Variants in DGKB observed in about 807,000 individuals in gnomAD.
The protein encoded by DGKB is 90 kDa diacylglycerol kinase.
DGKB carries 67 observed loss-of-function variants against 114.3 expected under a neutral mutation model. The observed-to-expected ratio is 0.59, with a 90% CI of 0.48 to 0.72. The LOEUF (loss-of-function observed/expected upper bound fraction) is 0.72. DGKB is among the 30% of genes least tolerant of loss of function. DGKB has a pLI of 0.00. For missense variants in DGKB, 907 were observed against 975.2 expected (o/e 0.93, Z 0.93); for synonymous variants, 398 against 323.1 (o/e 1.23, Z -2.49).
intron 21 of DGKB, among the ~76,000 whole-genome samples, chr7:14,350,364 C>T (rs1164253263): frequency 1.3e-5 from 2 of 151,944 alleles, no homozygotes; most frequent in African/African-American, 4.8e-5. Flanking sequence ...TGGCTTTCAT[C>T]GGCTTAGTAA....
At chr7:14,332,199 GC>G (rs1809847284) in intron 23 of DGKB, among the ~76,000 whole-genome samples, 1 of 152,050 alleles carries the variant, frequency 6.6e-6, no homozygotes, top group African/African-American at 2.4e-5. Flanking sequence ...TCTAATCTGG[GC>G]TTTTCTCATT....
At chr7:14,545,185 G>T (rs1328107170) in intron 20 of DGKB, among the ~76,000 whole-genome samples, 1 of 151,944 alleles carries the variant, frequency 6.6e-6, no homozygotes, top group Non-Finnish European at 1.5e-5. Context: ...CTAAAAAAAT[G>T]TTAGGCTAAT....
intron 12 of DGKB, among the ~76,000 whole-genome samples, chr7:14,674,088 G>A (rs995969625): frequency 6.6e-6 from 1 of 152,042 alleles, no homozygotes; most frequent in Admixed American, 6.6e-5. Context: ...TATCAAAGAG[G>A]TATTTCTGCG....
chr7:14,881,974 C>G (rs935325439), intron 1 of DGKB, among the ~76,000 whole-genome samples: 2 of 152,000 alleles, frequency 1.3e-5, no homozygotes. Context: ...ATCAGTCCTG[C>G]TATTTTACTA....
intron 21 of DGKB, among the ~76,000 whole-genome samples, chr7:14,434,244 A>G (rs562579096): frequency 6.6e-6 from 1 of 152,276 alleles, no homozygotes; most frequent in East Asian, 1.9e-4. Flanking sequence ...GTTAGGCAGA[A>G]AGTCCTTCTC....
At chr7:14,885,921 A>C (rs1389327636) in intron 1 of DGKB, among the ~76,000 whole-genome samples, 1 of 151,840 alleles carries the variant, frequency 6.6e-6, no homozygotes, top group East Asian at 1.9e-4. Context: ...CTTGAATGCC[A>C]GGCCAAGGTG....
At chr7:14,170,571 T>G (rs781059108) in intron 25 of DGKB, among the ~76,000 whole-genome samples, 14 of 152,174 alleles carry the variant, frequency 9.2e-5, no homozygotes, top group Non-Finnish European at 1.9e-4. Flanking sequence ...ACTTGCTGGG[T>G]CTTGAAAAAC....
chr7:14,603,214 T>G (rs1381891367), intron 17 of DGKB, among the ~76,000 whole-genome samples: 2 of 152,184 alleles, frequency 1.3e-5, no homozygotes, highest in Non-Finnish European at 2.9e-5. Flanking sequence ...AGAATTATGC[T>G]TACACATTTA....
At chr7:14,660,107 T>C (rs1458144549) in intron 13 of DGKB, among the ~76,000 whole-genome samples, 2 of 151,408 alleles carry the variant, frequency 1.3e-5, no homozygotes, top group East Asian at 4.1e-4. Context: ...TGGATAAGCT[T>C]TTTGATGTGC....
intron 15 of DGKB, among the ~76,000 whole-genome samples, chr7:14,620,941 T>C (rs1807518945): frequency 6.6e-6 from 1 of 151,744 alleles, no homozygotes. Flanking sequence ...TTAAAAATAT[T>C]TATTTAGAAA....
chr7:14,280,663 C>A (rs373052151), intron 23 of DGKB, among the ~76,000 whole-genome samples: 1 of 151,094 alleles, frequency 6.6e-6, no homozygotes. Flanking sequence ...GCGGATCTCT[C>A]GGCAGAAACC....
intron 13 of DGKB, among the ~76,000 whole-genome samples, chr7:14,656,924 C>T (rs1815950318): frequency 6.6e-6 from 1 of 151,638 alleles, no homozygotes; most frequent in Non-Finnish European, 1.5e-5. Context: ...TATAATTATA[C>T]ACGTTCTACA....
chr7:14,703,301 C>T (rs1159181592), intron 6 of DGKB, among the ~76,000 whole-genome samples: 1 of 152,106 alleles, frequency 6.6e-6, no homozygotes, highest in Non-Finnish European at 1.5e-5. Context: ...TGCAAAATGA[C>T]CATTTCACGT....
intron 1 of DGKB, among the ~76,000 whole-genome samples, chr7:14,957,590 T>A (rs567021088): frequency 4.6e-5 from 7 of 152,184 alleles, no homozygotes; most frequent in African/African-American, 1.7e-4. Context: ...ATCTTGAAAC[T>A]CCTTCTTTAT....
intron 13 of DGKB, among the ~76,000 whole-genome samples, chr7:14,663,671 C>G (rs533026616): frequency 8.7e-5 from 10 of 115,116 alleles, no homozygotes; most frequent in African/African-American, 3.0e-4. Context: ...CCTTCCCGCT[C>G]CCCTCCCCTC....
intron 1 of DGKB, among the ~76,000 whole-genome samples, chr7:14,910,278 GAAAGAAAGAAAGAAAGAAA>G (rs1783926620): frequency 8.8e-6 from 1 of 113,860 alleles, no homozygotes; most frequent in Admixed American, 8.8e-5. Flanking sequence ...AAGAAAGAAA[GAAAGAAAGAAAGAAAGAAA>G]GAAAGAAAGA....
At position 14,694,163 on chromosome 7, in the gene DGKB, T is replaced by C. The variant is rs1341733912; in HGVS notation, c.623A>G (p.Tyr208Cys). The C allele has an allele frequency of 1.9e-6, 3 of 1,581,544 alleles. No individual in the cohort carries two copies. Among genetic ancestry groups the C allele is most frequent in the East Asian group, 2.3e-5 (1 of 44,182 alleles). The change falls in exon 9 of 26, where the codon TAT becomes TGT. Residue 208 changes from tyrosine to cysteine, a missense_variant. Coordinates refer to ENST00000402815, the MANE Select transcript of DGKB (RefSeq NM_001350709.2). Reference sequence around the variant, plus strand: ...CAGAGACACGGTTCCATCATGATCATAGTCAATTTCTTCCATCATTTCATG... The same window carrying C: ...CAGAGACACGGTTCCATCATGATCACAGTCAATTTCTTCCATCATTTCATG... ...ILHEMMEEID[Y>C]DHDGTVSLEE...
intron 20 of DGKB, among the ~76,000 whole-genome samples, chr7:14,480,243 C>G (rs1782788937): frequency 6.6e-6 from 1 of 151,874 alleles, no homozygotes; most frequent in African/African-American, 2.4e-5. Flanking sequence ...AAAGATAGAA[C>G]TAATATTAGC....
intron 21 of DGKB, among the ~76,000 whole-genome samples, chr7:14,371,951 C>A (rs1158167526): frequency 6.6e-6 from 1 of 152,176 alleles, no homozygotes; most frequent in Non-Finnish European, 1.5e-5. Context: ...CATGGCCATG[C>A]TGCTGGGTCT....
Sources: allele counts gnomAD v4.1 joint callset (sites outside exome capture counted in the v4.1 genomes callset), GRCh38; gene constraint gnomAD v4.1.1; transcripts MANE v1.5; gene names NCBI Gene and HGNC (gene_info 2026-07-23, HGNC 2026-07-21).